The following WWOX variants were observed in gnomAD, a reference collection of about 807,000 sequenced individuals.
The protein encoded by WWOX is WW domain-containing oxidoreductase.
A neutral mutation model predicts 46.2 loss-of-function variants in WWOX; 69 were observed. The observed-to-expected ratio is 1.49, with a 90% CI of 1.23 to 1.82. WWOX has a LOEUF of 1.82. Among genes scored for constraint, WWOX ranks in the 40% most tolerant of loss-of-function variants. The pLI, the probability that WWOX is intolerant of heterozygous loss-of-function variation, is 0.00. For missense variants in WWOX, 919 were observed against 542.6 expected, an observed-to-expected ratio of 1.69 and a Z score of -6.89; for synonymous variants, 359 against 202.6, an observed-to-expected ratio of 1.77 and a Z score of -6.56.
At chr16:78,590,076 A>G (rs920887845) in intron 8 of WWOX, among the ~76,000 whole-genome samples, 1 of 152,176 alleles carries the variant, frequency 6.6e-6, no homozygotes, top group Non-Finnish European at 1.5e-5. Context: ...TATGATGCCT[A>G]TCCTTAAGGA....
At chr16:79,093,086 T>C (rs145112602) in intron 8 of WWOX, among the ~76,000 whole-genome samples, 2 of 152,356 alleles carry the variant, frequency 1.3e-5, no homozygotes, top group African/African-American at 4.8e-5. Flanking sequence ...GCTGAGCTGT[T>C]GGTTACGTAA....
chr16:78,827,548 AG>A (rs2051692066), intron 8 of WWOX, among the ~76,000 whole-genome samples: 1 of 152,054 alleles, frequency 6.6e-6, no homozygotes, highest in African/African-American at 2.4e-5. Context: ...TAAGAGAAAA[AG>A]GGGCTGGGTG....
intron 8 of WWOX, among the ~76,000 whole-genome samples, chr16:78,659,389 TTG>T: frequency 6.6e-6 from 1 of 152,248 alleles, no homozygotes; most frequent in Non-Finnish European, 1.5e-5. Context: ...ATCTGGGAAC[TTG>T]TTAGATGTGC....
At chr16:78,973,264 C>A (rs551500408) in intron 8 of WWOX, among the ~76,000 whole-genome samples, 1 of 152,206 alleles carries the variant, frequency 6.6e-6, no homozygotes, top group African/African-American at 2.4e-5. Context: ...GTAATTAAGC[C>A]GCTTTGCAGA....
intron 8 of WWOX, among the ~76,000 whole-genome samples, chr16:78,883,709 G>A (rs2044391282): frequency 1.3e-5 from 2 of 149,918 alleles, no homozygotes; most frequent in Admixed American, 1.3e-4. Flanking sequence ...GGGCAACAGA[G>A]CAAGACTCTG....
chr16:78,453,135 A>G (rs2083731987), intron 8 of WWOX, among the ~76,000 whole-genome samples: 1 of 152,108 alleles, frequency 6.6e-6, no homozygotes, highest in South Asian at 2.1e-4. Flanking sequence ...TAAAAAATTT[A>G]TTCCTCAGCC....
At chr16:78,980,163 C>G (rs946235035) in intron 8 of WWOX, among the ~76,000 whole-genome samples, 3 of 152,196 alleles carry the variant, frequency 2.0e-5, no homozygotes, top group African/African-American at 7.2e-5. Flanking sequence ...CCCCCTTTTC[C>G]TCCAACTCCC....
At chr16:78,377,927 G>A (rs941851805) in intron 5 of WWOX, among the ~76,000 whole-genome samples, 18 of 152,196 alleles carry the variant, frequency 1.2e-4, no homozygotes, top group African/African-American at 4.1e-4. Flanking sequence ...AAAAATTTTG[G>A]CCTGTATGTA....
chr16:78,619,671 A>G (rs530778009), intron 8 of WWOX, among the ~76,000 whole-genome samples: 2 of 152,016 alleles, frequency 1.3e-5, no homozygotes, highest in African/African-American at 4.8e-5. Context: ...TCGGGAGTCC[A>G]AGGTAGGAGG....
intron 5 of WWOX, among the ~76,000 whole-genome samples, chr16:78,279,700 G>A (rs1457777759): frequency 2.0e-5 from 3 of 152,194 alleles, no homozygotes; most frequent in Non-Finnish European, 4.4e-5. Flanking sequence ...TTAGAATCCA[G>A]TGTAGTAGAT....
chr16:79,195,186 A>T (rs1264513044), intron 8 of WWOX, among the ~76,000 whole-genome samples: 1 of 152,044 alleles, frequency 6.6e-6, no homozygotes, highest in Non-Finnish European at 1.5e-5. Flanking sequence ...TAGGTTGGGT[A>T]CCCCAGGAAG....
chr16:78,781,344 C>G (rs899081270), intron 8 of WWOX, among the ~76,000 whole-genome samples: 2 of 152,154 alleles, frequency 1.3e-5, no homozygotes, highest in Non-Finnish European at 2.9e-5. Flanking sequence ...TGTTTGAGAT[C>G]TCAGAAATCT....
chr16:79,182,412 C>T (rs59161288), intron 8 of WWOX, among the ~76,000 whole-genome samples: 14,174 of 152,070 alleles, frequency 0.093, 794 homozygotes, highest in East Asian at 0.14. Flanking sequence ...TTTCCTTATC[C>T]CGTTAATATA....
At chr16:78,123,326 A>G (rs1287990949) in intron 4 of WWOX, 1 of 151,668 alleles carries the variant, frequency 6.6e-6, no homozygotes, top group Non-Finnish European at 1.5e-5. Flanking sequence ...CCTAGCAATA[A>G]TATGATTTTT....
At chr16:78,667,343 A>G (rs2047354963) in intron 8 of WWOX, among the ~76,000 whole-genome samples, 1 of 152,170 alleles carries the variant, frequency 6.6e-6, no homozygotes, top group Non-Finnish European at 1.5e-5. Context: ...CTCAATATAT[A>G]TCTACTTTTT....
intron 8 of WWOX, among the ~76,000 whole-genome samples, chr16:79,022,905 G>A (rs1047433331): frequency 6.6e-6 from 1 of 152,208 alleles, no homozygotes; most frequent in Non-Finnish European, 1.5e-5. Flanking sequence ...TCTCCCCTGA[G>A]CATCAGTTTA....
intron 8 of WWOX, among the ~76,000 whole-genome samples, chr16:78,653,755 C>T (rs2047018987): frequency 6.6e-6 from 1 of 152,206 alleles, no homozygotes; most frequent in African/African-American, 2.4e-5. Flanking sequence ...CTCCACTGGT[C>T]ATGAAATAAG....
chr16:78,139,115 C>T (rs1356837177), intron 4 of WWOX, among the ~76,000 whole-genome samples: 1 of 151,978 alleles, frequency 6.6e-6, no homozygotes, highest in Non-Finnish European at 1.5e-5. Context: ...GGGTCATGTC[C>T]TAGGAGCAAC....
intron 8 of WWOX, among the ~76,000 whole-genome samples, chr16:78,479,486 A>G (rs1370606222): frequency 1.3e-5 from 2 of 152,230 alleles, no homozygotes; most frequent in Non-Finnish European, 2.9e-5. Context: ...AGATGCAAAT[A>G]TGGTAGTACT....
Sources: allele counts gnomAD v4.1 joint callset (sites outside exome capture counted in the v4.1 genomes callset), GRCh38; gene constraint gnomAD v4.1.1; transcripts MANE v1.5; gene names NCBI Gene and HGNC (gene_info 2026-07-23, HGNC 2026-07-21).